Variants in RBFOX1 observed in about 807,000 individuals in gnomAD.
The protein encoded by RBFOX1 is RNA binding fox-1 homolog 1, also known as RNA binding protein fox-1 homolog 1.
Under a neutral mutation model 57.7 loss-of-function variants are expected in RBFOX1, and 8 were observed. That is an observed-to-expected ratio of 0.14 (90% CI 0.08 to 0.25). The LOEUF (loss-of-function observed/expected upper bound fraction) is 0.25, where lower values mean the gene tolerates loss of function less well. Among genes scored for constraint, RBFOX1 ranks in the 10% least tolerant of loss-of-function variants. The probability of loss-of-function intolerance (pLI) is 1.00; values close to 1 mark genes in which losing one functional copy is unlikely to be tolerated. For missense variants in RBFOX1, 611 were observed against 548.5 expected, an observed-to-expected ratio of 1.11 and a Z score of -1.14; for synonymous variants, 326 against 222.4, an observed-to-expected ratio of 1.47 and a Z score of -4.15.
At chr16:6,118,539 G>A (rs752440851) in intron 1 of RBFOX1, among the ~76,000 whole-genome samples, 13 of 151,944 alleles carry the variant, frequency 8.6e-5, no homozygotes, top group Admixed American at 4.6e-4. Context: ...CGCCGCCTCC[G>A]CCTCCTCCTT....
intron 3 of RBFOX1, among the ~76,000 whole-genome samples, chr16:6,703,074 G>C (rs1366325842): frequency 6.6e-6 from 1 of 152,114 alleles, no homozygotes; most frequent in Non-Finnish European, 1.5e-5. Flanking sequence ...ATGTTGTAGT[G>C]TGTTATTCTT....
chr16:5,501,466 G>C (rs1376938457), intron 2 of RBFOX1, among the ~76,000 whole-genome samples: 2 of 152,130 alleles, frequency 1.3e-5, no homozygotes, highest in African/African-American at 2.4e-5. Context: ...GTGAGGAGTG[G>C]TGGGGAGGCA....
intron 2 of RBFOX1, among the ~76,000 whole-genome samples, chr16:5,571,805 C>G (rs1489381080): frequency 2.0e-5 from 3 of 152,174 alleles, no homozygotes; most frequent in African/African-American, 7.2e-5. Flanking sequence ...AAGGAGCCCC[C>G]TTACCTCTTC....
chr16:7,131,998 CTTT>C (rs34879688), intron 4 of RBFOX1, among the ~76,000 whole-genome samples: 26 of 123,800 alleles, frequency 2.1e-4, no homozygotes, highest in Middle Eastern at 4.3e-3. Context: ...TTTTTTCTTT[CTTT>C]TTTTTTTTTT....
chr16:6,248,963 A>G (rs1304329135), intron 1 of RBFOX1, among the ~76,000 whole-genome samples: 1 of 152,152 alleles, frequency 6.6e-6, no homozygotes, highest in Non-Finnish European at 1.5e-5. Context: ...TACTGAAGGA[A>G]CAGTGGTGGA....
intron 4 of RBFOX1, among the ~76,000 whole-genome samples, chr16:7,245,250 T>C (rs899985707): frequency 6.6e-6 from 1 of 152,182 alleles, no homozygotes; most frequent in African/African-American, 2.4e-5. Context: ...AATTCTAGAT[T>C]TTGAGTAATT....
intron 3 of RBFOX1, among the ~76,000 whole-genome samples, chr16:7,044,561 A>C (rs78225243): frequency 6.6e-6 from 1 of 152,192 alleles, no homozygotes; most frequent in African/African-American, 2.4e-5. Context: ...CTAACCTTTC[A>C]TAAGTGCTTA....
chr16:5,274,183 C>G (rs1418159439), intron 1 of RBFOX1, among the ~76,000 whole-genome samples: 2 of 152,116 alleles, frequency 1.3e-5, no homozygotes, highest in African/African-American at 2.4e-5. Flanking sequence ...CTAATTTTCC[C>G]TTTTTAACCC....
intron 1 of RBFOX1, among the ~76,000 whole-genome samples, chr16:6,051,260 G>C (rs141111208): frequency 2.8e-4 from 42 of 151,970 alleles, no homozygotes; most frequent in African/African-American, 9.9e-4. Context: ...ACCTCCTCCA[G>C]TTACCATCAT....
chr16:5,321,985 T>C (rs1335717589), intron 1 of RBFOX1, among the ~76,000 whole-genome samples: 1 of 152,144 alleles, frequency 6.6e-6, no homozygotes, highest in African/African-American at 2.4e-5. Context: ...CACCTTCAGA[T>C]CTAACCATCT....
intron 2 of RBFOX1, among the ~76,000 whole-genome samples, chr16:6,442,195 AT>A (rs904267695): frequency 6.6e-6 from 1 of 152,148 alleles, no homozygotes; most frequent in Non-Finnish European, 1.5e-5. Context: ...TCTCAGAAAA[AT>A]TCCTGGGTGG....
chr16:6,617,734 T>C (rs548279046), intron 2 of RBFOX1, among the ~76,000 whole-genome samples: 6 of 152,220 alleles, frequency 3.9e-5, no homozygotes, highest in African/African-American at 9.6e-5. Flanking sequence ...AGCATAGATA[T>C]TTTGTGCAAT....
At chr16:7,666,899 C>T (rs984527681) in intron 13 of RBFOX1, among the ~76,000 whole-genome samples, 1 of 152,112 alleles carries the variant, frequency 6.6e-6, no homozygotes, top group East Asian at 1.9e-4. Context: ...CGGTGCAGCT[C>T]GGGAAGCATC....
At chr16:5,641,187 C>G (rs1567335133) in intron 3 of RBFOX1, among the ~76,000 whole-genome samples, 3 of 151,888 alleles carry the variant, frequency 2.0e-5, no homozygotes, top group Admixed American at 2.0e-4. Flanking sequence ...TGGATACACA[C>G]AGGCACACAC....
At chr16:6,022,053 T>A (rs1239399476) in intron 1 of RBFOX1, among the ~76,000 whole-genome samples, 7 of 152,180 alleles carry the variant, frequency 4.6e-5, no homozygotes, top group Admixed American at 3.9e-4. Context: ...AGCTCTCCCA[T>A]TCTGCTCTCT....
chr16:6,973,645 C>A (rs1203954497), intron 3 of RBFOX1, among the ~76,000 whole-genome samples: 1 of 151,992 alleles, frequency 6.6e-6, no homozygotes. Context: ...TTTTTTAAAG[C>A]TGGACCATTG....
chr16:5,895,135 C>G (rs2058134030), intron 4 of RBFOX1, among the ~76,000 whole-genome samples: 1 of 152,162 alleles, frequency 6.6e-6, no homozygotes, highest in African/African-American at 2.4e-5. Flanking sequence ...AATAGAAAAG[C>G]CATGTCTTCA....
intron 1 of RBFOX1, among the ~76,000 whole-genome samples, chr16:6,272,664 T>C (rs1026408354): frequency 1.3e-5 from 2 of 152,122 alleles, no homozygotes; most frequent in Admixed American, 6.5e-5. Flanking sequence ...GTGGGAGAAA[T>C]GAGTCTGTTC....
chr16:5,374,205 T>C (rs956087849), intron 1 of RBFOX1, among the ~76,000 whole-genome samples: 76 of 152,386 alleles, frequency 5.0e-4, no homozygotes, highest in African/African-American at 1.8e-3. Context: ...TCCAAAGTGC[T>C]GGAATTACAG....
Sources: gnomAD v4.1 joint callset for allele counts (sites outside exome capture counted in the v4.1 genomes callset) on GRCh38, gnomAD v4.1.1 for gene constraint, MANE v1.5 for transcripts, NCBI Gene and HGNC (gene_info 2026-07-23, HGNC 2026-07-21) for gene names.